PARP8: variants seen among roughly 807,000 people sequenced by gnomAD.
The protein encoded by PARP8 is poly(ADP-ribose) polymerase family member 8.
PARP8 carries 51 observed loss-of-function variants against 124.1 expected under a neutral mutation model. The ratio of observed to expected loss-of-function variants is 0.41; its 90% CI spans 0.33 to 0.52. The LOEUF (loss-of-function observed/expected upper bound fraction) is 0.52. Ranked by LOEUF, PARP8 falls within the 20% of genes least tolerant of loss-of-function variation. PARP8 has a pLI of 0.21. For synonymous variants in PARP8, 391 were observed against 361.5 expected, an observed-to-expected ratio of 1.08 and a Z score of -0.93; for missense variants, 860 against 1,018.9, an observed-to-expected ratio of 0.84 and a Z score of 2.12.
intron 7 of PARP8, among the ~76,000 whole-genome samples, chr5:50,772,531 T>C (rs1761730283): frequency 6.6e-6 from 1 of 152,234 alleles, no homozygotes; most frequent in African/African-American, 2.4e-5. Context: ...TTAATCTTTT[T>C]GCTAACAGCC....
At chr5:50,705,678 G>T (rs1386882887) in intron 2 of PARP8, among the ~76,000 whole-genome samples, 1 of 151,956 alleles carries the variant, frequency 6.6e-6, no homozygotes, top group Non-Finnish European at 1.5e-5. Flanking sequence ...CCAGCTACTC[G>T]GGAGGCTGAG....
At chr5:50,815,924 G>A (rs1745050239) in intron 15 of PARP8, among the ~76,000 whole-genome samples, 1 of 151,850 alleles carries the variant, frequency 6.6e-6, no homozygotes. Context: ...AATAAAAAGA[G>A]AACATTCAGT....
intron 2 of PARP8, among the ~76,000 whole-genome samples, chr5:50,726,205 T>A (rs1264529123): frequency 1.3e-5 from 2 of 152,144 alleles, no homozygotes. Context: ...AGTAGCACAG[T>A]GACTTTGGGA....
intron 25 of PARP8, among the ~76,000 whole-genome samples, chr5:50,836,372 C>A (rs577751035): frequency 6.6e-6 from 1 of 152,170 alleles, no homozygotes; most frequent in South Asian, 2.1e-4. Context: ...AAACAGATGA[C>A]CCATGAAAAA....
chr5:50,796,188 A>T lies in PARP8; in HGVS notation c.1428+771A>T, dbSNP rs774992471. On this transcript the variant is annotated intron_variant, in intron 12 of 25. Coordinates refer to ENST00000281631, the MANE Select transcript of PARP8 (RefSeq NM_024615.4). The stretch of plus-strand genomic sequence containing the variant: ...AAAGTTTTGTTTCCTTTTGCTAAAT[A>T]TATATGTGTGTATGTTGGGGGTGTG... Among the ~76,000 whole-genome samples, 3 of 152,188 alleles carry T rather than the reference A, an allele frequency of 2.0e-5. 1 individual carries two copies. The highest frequency in any genetic ancestry group is 2.9e-5 in the Non-Finnish European group (2 of 68,026).
chr5:50,784,207 A>G (rs1039052759), intron 9 of PARP8, among the ~76,000 whole-genome samples: 2 of 152,160 alleles, frequency 1.3e-5, no homozygotes, highest in Non-Finnish European at 2.9e-5. Flanking sequence ...TGTATAAATA[A>G]CAGTTATTTA....
At chr5:50,694,708 A>G (rs1280972400) in intron 2 of PARP8, among the ~76,000 whole-genome samples, 1 of 152,176 alleles carries the variant, frequency 6.6e-6, no homozygotes, top group Non-Finnish European at 1.5e-5. Context: ...GGAGTTTATT[A>G]AGGAGTATTG....
chr5:50,676,274 T>C (rs1356799428), intron 2 of PARP8, among the ~76,000 whole-genome samples: 2 of 152,240 alleles, frequency 1.3e-5, no homozygotes, highest in African/African-American at 4.8e-5. Context: ...TACTGATTCA[T>C]ATTGAGCCGG....
intron 25 of PARP8, among the ~76,000 whole-genome samples, chr5:50,835,786 C>T (rs888019097): frequency 2.6e-5 from 4 of 151,934 alleles, no homozygotes; most frequent in Non-Finnish European, 5.9e-5. Context: ...TTTGGCACAG[C>T]TGTATCATAA....
At chr5:50,825,432 ACT>A (rs1746234381) in intron 18 of PARP8, among the ~76,000 whole-genome samples, 2 of 152,206 alleles carry the variant, frequency 1.3e-5, no homozygotes, top group South Asian at 4.1e-4. Context: ...TTAACTCTTA[ACT>A]CTCTGCTTGC....
At chr5:50,784,857 G>A (rs1426302544) in intron 9 of PARP8, among the ~76,000 whole-genome samples, 6 of 151,590 alleles carry the variant, frequency 4.0e-5, no homozygotes, top group African/African-American at 1.5e-4. Flanking sequence ...GACTTTTGTA[G>A]TTCATTTTAT....
intron 2 of PARP8, among the ~76,000 whole-genome samples, chr5:50,721,209 A>C (rs1392132764): frequency 6.6e-6 from 1 of 152,056 alleles, no homozygotes; most frequent in Non-Finnish European, 1.5e-5. Flanking sequence ...GATCTTAAGA[A>C]AAGTCTGTCT....
intron 7 of PARP8, among the ~76,000 whole-genome samples, chr5:50,770,985 T>C (rs154138): frequency 0.15 from 23,522 of 151,934 alleles, 2,206 homozygotes; most frequent in African/African-American, 0.27. Flanking sequence ...GATGCTTTGA[T>C]GGTTTTTAAA....
chr5:50,709,939 T>TAC (rs1754574848), intron 2 of PARP8, among the ~76,000 whole-genome samples: 1 of 93,014 alleles, frequency 1.1e-5, no homozygotes, highest in Non-Finnish European at 2.6e-5. Flanking sequence ...TATATATATA[T>TAC]ATATATATAT....
chr5:50,753,052 G>C lies in PARP8; in HGVS notation c.184+2864G>C, dbSNP rs1759434553. Among the ~76,000 whole-genome samples, 9 of 152,090 alleles carry C rather than the reference G, an allele frequency of 5.9e-5. No homozygotes were observed. The South Asian group carries it at 1.9e-3, about 32-fold the overall frequency. ...TGAAATACTAAATGATATGTTGACT[G>C]TTCATGATTAAGTGAAGAAATAGAG... On this transcript the variant is annotated intron_variant, in intron 3 of 25. Coordinates refer to ENST00000281631, the MANE Select transcript of PARP8 (RefSeq NM_024615.4).
At position 50,842,277 on chromosome 5, in the gene PARP8, A is replaced by G. The variant is rs1748259558; in HGVS notation, c.*209A>G. ...CAATTGTAGGGTTATGGAATCTAGT[A>G]ATAAAATTTCAACAGCACTTAAACT... On this transcript the variant is annotated 3_prime_UTR_variant, in exon 26 of 26. Coordinates refer to ENST00000281631, the MANE Select transcript of PARP8 (RefSeq NM_024615.4). The G allele has an allele frequency of 8.1e-6, 3 of 372,130 alleles. No homozygotes were observed. Among genetic ancestry groups the G allele is most frequent in the Non-Finnish European group, 1.4e-5 (3 of 208,214 alleles). 23.1% of individuals were successfully genotyped at this position (372,130 alleles called of 1,614,324 possible).
At chr5:50,815,395 A>G in intron 14 of PARP8, 37 bp from the exon 15 acceptor site, 1 of 1,469,732 alleles carries the variant, frequency 6.8e-7, no homozygotes, top group South Asian at 1.3e-5. Flanking sequence ...TGAGAGTTGG[A>G]AAAAAGTTTT....
At chr5:50,770,764 C>T (rs1408532040) in intron 7 of PARP8, among the ~76,000 whole-genome samples, 4 of 151,972 alleles carry the variant, frequency 2.6e-5, no homozygotes, top group African/African-American at 9.7e-5. Flanking sequence ...ATGGATGCGG[C>T]AGAGACTGTA....
intron 24 of PARP8, 178 bp from the exon 25 acceptor site, chr5:50,834,753 G>T: frequency 1.6e-6 from 1 of 640,870 alleles, no homozygotes; most frequent in South Asian, 1.7e-5. Flanking sequence ...TTGTTACATG[G>T]TCTTTCACTG....
Sources: allele counts gnomAD v4.1 joint callset (sites outside exome capture counted in the v4.1 genomes callset), GRCh38; gene constraint gnomAD v4.1.1; transcripts MANE v1.5; gene names NCBI Gene and HGNC (gene_info 2026-07-23, HGNC 2026-07-21).